Variants in MPP7 observed in about 807,000 individuals in gnomAD.
The protein encoded by MPP7 is MAGUK p55 scaffold protein 7.
Under a neutral mutation model 76.5 loss-of-function variants are expected in MPP7, and 60 were observed. That is an observed-to-expected ratio of 0.78 (90% CI 0.64 to 0.97). MPP7 has a LOEUF of 0.97. Among genes scored for constraint, MPP7 ranks in the 50% least tolerant of loss-of-function variants. The pLI is 0.00. For missense variants in MPP7, 641 were observed against 694.0 expected, an observed-to-expected ratio of 0.92 and a Z score of 0.86; for synonymous variants, 237 against 244.5, an observed-to-expected ratio of 0.97 and a Z score of 0.29.
At chr10:28,287,930 C>T (rs1276280741) in intron 1 of MPP7, among the ~76,000 whole-genome samples, 1 of 152,150 alleles carries the variant, frequency 6.6e-6, no homozygotes, top group Admixed American at 6.5e-5. Flanking sequence ...GAAATGGCCA[C>T]TTGCAGAGTT....
chr10:28,098,473 T>C (rs957651501), intron 11 of MPP7, among the ~76,000 whole-genome samples: 1 of 151,800 alleles, frequency 6.6e-6, no homozygotes, highest in Non-Finnish European at 1.5e-5. Flanking sequence ...CAATTACTTG[T>C]TCTATTTTTC....
chr10:28,322,936 T>C (rs1437132782), intron 2 of MPP7, among the ~76,000 whole-genome samples: 1 of 152,096 alleles, frequency 6.6e-6, no homozygotes, highest in Non-Finnish European at 1.5e-5. Context: ...GGCAGATTGC[T>C]TGAGCCAGGA....
Position 28,069,779 on chromosome 10 carries a change from T to C in MPP7, c.1197A>G (p.Thr399=). ...LISDTQHYGV[T]VPHTTRARRS... ...GAGTAGCGCAGAACTCACGGGGCACTGTCACGCCATAGTGCTGGGTGTCAC... is the reference window on the plus strand; with the variant it reads ...GAGTAGCGCAGAACTCACGGGGCACCGTCACGCCATAGTGCTGGGTGTCAC... The change falls in exon 13 of 17, where the codon ACA becomes ACG. Residue 399 remains threonine (T), a synonymous_variant. Transcript: ENST00000683449. 1 of 1,613,836 alleles carries C rather than the reference T, an allele frequency of 6.2e-7. No homozygotes were observed. The highest frequency in any genetic ancestry group is 8.5e-7 in the Non-Finnish European group (1 of 1,179,764).
chr10:28,077,763 T>C (rs1235590096), intron 12 of MPP7, among the ~76,000 whole-genome samples: 3 of 152,214 alleles, frequency 2.0e-5, no homozygotes, highest in Non-Finnish European at 2.9e-5. Flanking sequence ...TATAAGTAGA[T>C]TACTCTGTAG....
intron 2 of MPP7, among the ~76,000 whole-genome samples, chr10:28,234,849 C>T (rs2134126468): frequency 6.6e-6 from 1 of 152,266 alleles, no homozygotes; most frequent in East Asian, 1.9e-4. Context: ...CTCACTCCAT[C>T]GCCCAGGCTG....
chr10:28,259,103 T>C lies in MPP7; in HGVS notation c.-131-20368A>G, dbSNP rs1199299191. Among the ~76,000 whole-genome samples, 3 of 152,282 alleles carry C rather than the reference T, an allele frequency of 2.0e-5. No individual in the cohort carries two copies. In the East Asian group the frequency reaches 5.8e-4, roughly 29 times the overall value. ...CAGGTTTTTTTTTAACTCTAAAATA[T>C]ATTAATGAATTTAAACAGAAACAGC... On this transcript the variant is annotated intron_variant, in intron 1 of 16. Coordinates refer to ENST00000683449, the MANE Select transcript of MPP7 (RefSeq NM_001318170.2).
intron 2 of MPP7, among the ~76,000 whole-genome samples, chr10:28,222,362 T>C (rs1056155176): frequency 1.3e-5 from 2 of 151,692 alleles, no homozygotes; most frequent in Non-Finnish European, 2.9e-5. Flanking sequence ...CCAGGTGTAG[T>C]GGTATGTGCC....
At chr10:28,194,153 T>A (rs980028445) in intron 3 of MPP7, among the ~76,000 whole-genome samples, 1 of 152,218 alleles carries the variant, frequency 6.6e-6, no homozygotes, top group African/African-American at 2.4e-5. Context: ...TAGCTGGGAC[T>A]ACAGGCGCGT....
At chr10:28,170,336 T>G (rs1032643983) in intron 3 of MPP7, among the ~76,000 whole-genome samples, 1 of 151,846 alleles carries the variant, frequency 6.6e-6, no homozygotes, top group Admixed American at 6.6e-5. Context: ...TTTCTCTTTT[T>G]TTTAATTTTT....
chr10:28,190,857 G>C (rs977098602), intron 3 of MPP7, among the ~76,000 whole-genome samples: 1 of 151,748 alleles, frequency 6.6e-6, no homozygotes, highest in African/African-American at 2.4e-5. Flanking sequence ...TCAAAAGCAA[G>C]TTCTTTTAAA....
intron 16 of MPP7, among the ~76,000 whole-genome samples, chr10:28,056,259 A>G (rs11006815): frequency 0.35 from 52,586 of 151,614 alleles, 11,213 homozygotes; most frequent in East Asian, 0.65. Flanking sequence ...CTGGGGTCTT[A>G]TGATCTTCCC....
chr10:28,191,185 T>A (rs1435505195), intron 3 of MPP7, among the ~76,000 whole-genome samples: 1 of 152,160 alleles, frequency 6.6e-6, no homozygotes, highest in Non-Finnish European at 1.5e-5. Flanking sequence ...GCTTCACTGG[T>A]GAATTCTACA....
In MPP7 at chr10:28,147,474, T is replaced by C; in HGVS notation, c.315+9A>G. The C allele has an allele frequency of 1.9e-6, 3 of 1,610,362 alleles. No individual in the cohort carries two copies. Among genetic ancestry groups the C allele is most frequent in the Non-Finnish European group, 2.5e-6 (3 of 1,176,542 alleles). On this transcript the variant is annotated intron_variant, in intron 5 of 16. Coordinates refer to ENST00000683449, the MANE Select transcript of MPP7 (RefSeq NM_001318170.2). ...GAAGGTATTTATTACCGGCGTAACA[T>C]GTCCTCACCTTCACATTGGGTTTTG... is the stretch of plus-strand genomic sequence containing the variant.
At chr10:28,203,012 C>T (rs1438930250) in intron 2 of MPP7, 1 of 152,228 alleles carries the variant, frequency 6.6e-6, no homozygotes, top group Non-Finnish European at 1.5e-5. Context: ...CATCCATCTC[C>T]ATCACAGCCC....
At chr10:28,062,573 CA>C (rs1352996339) in intron 13 of MPP7, among the ~76,000 whole-genome samples, 10 of 129,008 alleles carry the variant, frequency 7.8e-5, no homozygotes, top group African/African-American at 1.9e-4. Flanking sequence ...CACACACACA[CA>C]CACACACCAA....
chr10:28,270,421 C>T (rs920063260), intron 1 of MPP7, among the ~76,000 whole-genome samples: 1 of 151,414 alleles, frequency 6.6e-6, no homozygotes, highest in African/African-American at 2.4e-5. Flanking sequence ...GGCAGTGGCA[C>T]CCACCTGTAG....
chr10:28,145,903 G>C (rs889426599), intron 5 of MPP7, among the ~76,000 whole-genome samples: 6 of 152,056 alleles, frequency 3.9e-5, no homozygotes, highest in East Asian at 1.9e-4. Context: ...TCCCTCTTGA[G>C]CCAAATACCA....
At chr10:28,195,997 T>C (rs1187877381) in intron 3 of MPP7, among the ~76,000 whole-genome samples, 1 of 152,222 alleles carries the variant, frequency 6.6e-6, no homozygotes, top group Non-Finnish European at 1.5e-5. Flanking sequence ...TAAACGTTGA[T>C]GACTCCCAAA....
rs529866963 is a variant in MPP7 at position 28,113,801 on chromosome 10, TAA to T, written c.952+5848_952+5849del. Among the ~76,000 whole-genome samples, 532 of 152,326 alleles carry T rather than the reference TAA, an allele frequency of 3.5e-3. 1 individual carries two copies. The highest frequency in any genetic ancestry group is 0.012 in the African/African-American group (500 of 41,584). ...GCCATCTGGCTCGAGTCTGAGTTTT[TAA>T]TTCAATGCTATGCTAATCATGACAA... On this transcript the variant is annotated intron_variant, in intron 11 of 16. Transcript: ENST00000683449.
Sources: gnomAD v4.1 joint callset for allele counts (sites outside exome capture counted in the v4.1 genomes callset) on GRCh38, gnomAD v4.1.1 for gene constraint, MANE v1.5 for transcripts, NCBI Gene and HGNC (gene_info 2026-07-23, HGNC 2026-07-21) for gene names.